LRRC37A2: variants seen among roughly 807,000 people sequenced by gnomAD.
The protein encoded by LRRC37A2 is leucine rich repeat containing 37 member A2.
In LRRC37A2, 9 loss-of-function variants were observed where a neutral mutation model predicts 68.8. The observed-to-expected ratio is 0.13, with a 90% CI of 0.08 to 0.23. The LOEUF (loss-of-function observed/expected upper bound fraction) is 0.23, where lower values mean the gene tolerates loss of function less well. Among genes scored for constraint, LRRC37A2 ranks in the 10% least tolerant of loss-of-function variants. The pLI, the probability that LRRC37A2 is intolerant of heterozygous loss-of-function variation, is 1.00. For missense variants in LRRC37A2, 168 were observed against 950.4 expected, an observed-to-expected ratio of 0.18 and a Z score of 10.82; for synonymous variants, 63 against 367.6, an observed-to-expected ratio of 0.17 and a Z score of 9.48.
chr17:46,709,573 C>T, the LRRC37A2 span, among the ~76,000 whole-genome samples: 3 of 151,838 alleles, frequency 2.0e-5, no homozygotes, highest in Admixed American at 6.6e-5. Context: ...CGGCTCACTG[C>T]AACCTCCGCC....
chr17:46,779,978 G>A, the LRRC37A2 span, among the ~76,000 whole-genome samples: 1 of 152,102 alleles, frequency 6.6e-6, no homozygotes, highest in South Asian at 2.1e-4. Context: ...AGGCTGGTCT[G>A]GAACTCCTGA....
the LRRC37A2 span, chr17:46,713,802 C>T: frequency 6.3e-7 from 1 of 1,577,952 alleles, no homozygotes; most frequent in Non-Finnish European, 8.6e-7. Flanking sequence ...GTTTTATTTC[C>T]CTTTGCTTAG....
the LRRC37A2 span, chr17:46,973,198 C>T: frequency 1.3e-5 from 2 of 153,908 alleles, no homozygotes; most frequent in South Asian, 2.0e-4. Flanking sequence ...GCTGTACCCA[C>T]TGCCTCTGCC....
At chr17:47,011,978 A>C in the LRRC37A2 span, among the ~76,000 whole-genome samples, 3 of 152,308 alleles carry the variant, frequency 2.0e-5, no homozygotes, top group East Asian at 3.9e-4. Flanking sequence ...TTTTCTATGC[A>C]ATGAATAAAC....
At chr17:47,041,452 CTTTTTTTTTTTT>C in the LRRC37A2 span, among the ~76,000 whole-genome samples, 4 of 36,470 alleles carry the variant, frequency 1.1e-4, no homozygotes, top group East Asian at 3.1e-3. Context: ...TTGGATGTCT[CTTTTTTTTTTTT>C]TTTTTTTTTT....
the LRRC37A2 span, among the ~76,000 whole-genome samples, chr17:47,027,170 G>A: frequency 6.6e-6 from 1 of 152,038 alleles, no homozygotes; most frequent in Non-Finnish European, 1.5e-5. Context: ...CTCGGCCTCC[G>A]AAAGTGCTGG....
the LRRC37A2 span, among the ~76,000 whole-genome samples, chr17:46,981,584 A>T: frequency 6.6e-6 from 1 of 152,248 alleles, no homozygotes; most frequent in Admixed American, 6.5e-5. Flanking sequence ...TGCCCTCTTT[A>T]TAACAAGCAT....
chr17:46,862,170 A>T, the LRRC37A2 span, among the ~76,000 whole-genome samples: 2 of 151,954 alleles, frequency 1.3e-5, no homozygotes, highest in Non-Finnish European at 2.9e-5. Flanking sequence ...TCTCAAAAAA[A>T]AAAAAAAAAG....
At chr17:46,755,434 A>G in the LRRC37A2 span, 13 of 1,293,604 alleles carry the variant, frequency 1.0e-5, no homozygotes, top group East Asian at 1.6e-4. Flanking sequence ...CCCTGTGCCT[A>G]TTCTAAGAGT....
the LRRC37A2 span, among the ~76,000 whole-genome samples, chr17:47,004,900 C>G: frequency 6.6e-6 from 1 of 152,224 alleles, no homozygotes; most frequent in Non-Finnish European, 1.5e-5. Flanking sequence ...TATTTACCTT[C>G]TGGGGTAATT....
the LRRC37A2 span, among the ~76,000 whole-genome samples, chr17:46,797,812 T>C: frequency 6.6e-6 from 1 of 152,166 alleles, no homozygotes; most frequent in Non-Finnish European, 1.5e-5. Context: ...AGAAACACAA[T>C]GCAGAGAGAG....
At chr17:47,011,449 T>G in the LRRC37A2 span, among the ~76,000 whole-genome samples, 1 of 151,502 alleles carries the variant, frequency 6.6e-6, no homozygotes, top group South Asian at 2.1e-4. Flanking sequence ...CTTGGGAAGC[T>G]GTGGCAGCAG....
chr17:47,047,732 G>C, the LRRC37A2 span, among the ~76,000 whole-genome samples: 1 of 151,794 alleles, frequency 6.6e-6, no homozygotes, highest in Non-Finnish European at 1.5e-5. Context: ...TGTTTTATTT[G>C]AAGCCTGAGA....
chr17:46,386,118 G>A, the LRRC37A2 span, among the ~76,000 whole-genome samples: 3 of 126,820 alleles, frequency 2.4e-5, no homozygotes, highest in South Asian at 6.6e-4. Context: ...TTTGGAGGGA[G>A]GACAGGGTCT....
the LRRC37A2 span, chr17:46,948,947 G>A: frequency 1.3e-5 from 2 of 152,218 alleles, no homozygotes; most frequent in Admixed American, 1.3e-4. Flanking sequence ...CGATAGCTAC[G>A]AACTGAGCAC....
chr17:46,995,522 A>G, the LRRC37A2 span, among the ~76,000 whole-genome samples: 1 of 14,956 alleles, frequency 6.7e-5, no homozygotes, highest in Non-Finnish European at 2.4e-4. Flanking sequence ...AATTCTGGGG[A>G]AAAAAAGGAG....
At chr17:46,755,278 C>T in the LRRC37A2 span, 92 of 1,531,482 alleles carry the variant, frequency 6.0e-5, no homozygotes, top group Non-Finnish European at 8.0e-5. Context: ...TTAGAAGGTA[C>T]CATTAACCCA....
the LRRC37A2 span, chr17:46,874,873 C>G: frequency 2.9e-6 from 2 of 679,894 alleles, no homozygotes; most frequent in Non-Finnish European, 5.2e-6. Flanking sequence ...CCACTGTGCC[C>G]AGCCTGGAAG....
At chr17:46,906,074 T>C in the LRRC37A2 span, among the ~76,000 whole-genome samples, 2 of 152,144 alleles carry the variant, frequency 1.3e-5, no homozygotes, top group African/African-American at 4.8e-5. Flanking sequence ...GTTACGAATG[T>C]GTTCCCTGCC....
Sources: gnomAD v4.1 joint callset for allele counts (sites outside exome capture counted in the v4.1 genomes callset) on GRCh38, gnomAD v4.1.1 for gene constraint, MANE v1.5 for transcripts, NCBI Gene and HGNC (gene_info 2026-07-23, HGNC 2026-07-21) for gene names.